The following STXBP6 variants were observed in gnomAD, a reference collection of about 807,000 sequenced individuals.
STXBP6 encodes syntaxin binding protein 6, also known as syntaxin-binding protein 6.
STXBP6 carries 21 observed loss-of-function variants against 26.9 expected under a neutral mutation model. The ratio of observed to expected loss-of-function variants is 0.78; its 90% CI spans 0.55 to 1.12. The LOEUF (loss-of-function observed/expected upper bound fraction) is 1.12, where lower values mean the gene tolerates loss of function less well. Among genes scored for constraint, STXBP6 ranks in the 50% most tolerant of loss-of-function variants. The pLI, the probability that STXBP6 is intolerant of heterozygous loss-of-function variation, is 0.00. For synonymous variants in STXBP6, 97 were observed against 92.6 expected, an observed-to-expected ratio of 1.05 and a Z score of -0.27; for missense variants, 232 against 257.9, an observed-to-expected ratio of 0.90 and a Z score of 0.69.
chr14:24,826,920 C>T (rs1297872558), intron 4 of STXBP6, among the ~76,000 whole-genome samples: 1 of 152,158 alleles, frequency 6.6e-6, no homozygotes, highest in Non-Finnish European at 1.5e-5. Context: ...CCTATTTTGG[C>T]CAGGTGTGGT....
intron 2 of STXBP6, among the ~76,000 whole-genome samples, chr14:24,863,121 A>C (rs1486678603): frequency 6.6e-6 from 1 of 152,124 alleles, no homozygotes; most frequent in Non-Finnish European, 1.5e-5. Context: ...AGTAAATGAC[A>C]GGTAGTCCTG....
At chr14:24,832,136 C>T (rs1194347231) in intron 4 of STXBP6, among the ~76,000 whole-genome samples, 3 of 152,118 alleles carry the variant, frequency 2.0e-5, no homozygotes, top group Non-Finnish European at 4.4e-5. Flanking sequence ...AGAACTTCGC[C>T]CCATTGAGCA....
chr14:24,878,872 C>T (rs1348072304), intron 2 of STXBP6: 1 of 424,910 alleles, frequency 2.4e-6, no homozygotes, highest in East Asian at 7.2e-5. Context: ...ATGCCTTTCC[C>T]TATTCTTACT....
chr14:24,880,171 A>G (rs559843542), intron 2 of STXBP6, among the ~76,000 whole-genome samples: 85 of 152,284 alleles, frequency 5.6e-4, no homozygotes, highest in African/African-American at 2.0e-3. Context: ...AAACATTTTA[A>G]AAAGTACTTA....
intron 2 of STXBP6, among the ~76,000 whole-genome samples, chr14:24,880,930 C>T (rs950346418): frequency 2.6e-5 from 4 of 152,198 alleles, no homozygotes; most frequent in African/African-American, 9.7e-5. Context: ...CATTCATCCA[C>T]TGCAACTGTG....
chr14:25,000,362 C>CTT (rs369019424), intron 1 of STXBP6, among the ~76,000 whole-genome samples: 6 of 142,994 alleles, frequency 4.2e-5, no homozygotes, highest in African/African-American at 7.7e-5. Context: ...CGTGCCTGGC[C>CTT]TTTTTTTTTT....
intron 1 of STXBP6, among the ~76,000 whole-genome samples, chr14:24,998,228 A>G (rs944036928): frequency 1.3e-5 from 2 of 152,198 alleles, no homozygotes; most frequent in Non-Finnish European, 2.9e-5. Context: ...GCATGTTATT[A>G]AAATGTGCAT....
intron 2 of STXBP6, among the ~76,000 whole-genome samples, chr14:24,891,078 A>G (rs2070769187): frequency 1.3e-5 from 2 of 152,132 alleles, no homozygotes; most frequent in South Asian, 4.1e-4. Flanking sequence ...CCTCTTGCTC[A>G]GTTATGTCCT....
At chr14:24,922,947 G>A in intron 2 of STXBP6, among the ~76,000 whole-genome samples, 1 of 151,868 alleles carries the variant, frequency 6.6e-6, no homozygotes, top group East Asian at 1.9e-4. Context: ...GGTTAAGAAG[G>A]ATTCCTTCCT....
At chr14:24,862,864 C>G (rs2069589195) in intron 2 of STXBP6, among the ~76,000 whole-genome samples, 1 of 152,144 alleles carries the variant, frequency 6.6e-6, no homozygotes, top group South Asian at 2.1e-4. Flanking sequence ...AATAATAGAG[C>G]AAGTGCCTGC....
chr14:25,048,080 G>A (rs1425570745), intron 1 of STXBP6, among the ~76,000 whole-genome samples: 1 of 152,106 alleles, frequency 6.6e-6, no homozygotes, highest in Admixed American at 6.5e-5. Flanking sequence ...AAAGAAAAAG[G>A]GTAAACAGAT....
In STXBP6 at chr14:24,986,461, C is replaced by T. The variant is rs935211789; in HGVS notation, c.-32-11611G>A. On this transcript the variant is annotated intron_variant, in intron 1 of 5. Transcript: ENST00000323944. ...CTGGGAAAAGTCACATGTCCATTCT[C>T]GGTTTGGGAATTAATGTGCTGGTGT... Among the ~76,000 whole-genome samples, 7 of 152,134 alleles carry T rather than the reference C, an allele frequency of 4.6e-5. No individual in the cohort carries two copies. The East Asian group carries it at 9.6e-4, about 21-fold the overall frequency.
At chr14:25,044,426 G>A (rs2075694184) in intron 1 of STXBP6, among the ~76,000 whole-genome samples, 1 of 151,930 alleles carries the variant, frequency 6.6e-6, no homozygotes, top group African/African-American at 2.4e-5. Context: ...GGTGTGAAGT[G>A]GCATCTCACT....
At chr14:24,903,190 G>A (rs2071273271) in intron 2 of STXBP6, among the ~76,000 whole-genome samples, 1 of 152,096 alleles carries the variant, frequency 6.6e-6, no homozygotes, top group South Asian at 2.1e-4. Context: ...ATTTGTTAGA[G>A]CTCGCATTTT....
intron 1 of STXBP6, among the ~76,000 whole-genome samples, chr14:25,026,064 T>A (rs1431609568): frequency 6.6e-6 from 1 of 152,184 alleles, no homozygotes; most frequent in Non-Finnish European, 1.5e-5. Flanking sequence ...GCTATGATTA[T>A]CCTGCCAAAC....
At chr14:24,862,792 A>G (rs975588097) in intron 2 of STXBP6, among the ~76,000 whole-genome samples, 1 of 152,176 alleles carries the variant, frequency 6.6e-6, no homozygotes, top group African/African-American at 2.4e-5. Flanking sequence ...AAAAAATTCT[A>G]TGGGAAGGCT....
chr14:24,830,176 G>C (rs1054855617), intron 4 of STXBP6, among the ~76,000 whole-genome samples: 1 of 152,054 alleles, frequency 6.6e-6, no homozygotes, highest in Non-Finnish European at 1.5e-5. Context: ...AGGCAGATTA[G>C]ATAGGGGCTT....
At chr14:24,932,882 T>G in intron 2 of STXBP6, among the ~76,000 whole-genome samples, 1 of 67,612 alleles carries the variant, frequency 1.5e-5, no homozygotes, top group East Asian at 4.2e-4. Flanking sequence ...AAAGAGGAAA[T>G]CAACAGGCTC....
At position 24,812,749 on chromosome 14, in the gene STXBP6, A is replaced by G; in HGVS notation, c.610-17T>C. ...CATGGCAAGCTAAGGAGAGAGAGGA[A>G]TGAGAAAAGTAAGACTTTATTAGCA... On this transcript the variant is annotated splice_polypyrimidine_tract_variant and intron_variant, in intron 5 of 5. Transcript: ENST00000323944. 2.5e-6 allele frequency: 4 copies of G among 1,613,538 alleles called. No homozygotes were observed. The highest frequency in any genetic ancestry group is 3.4e-6 in the Non-Finnish European group (4 of 1,179,542).
Sources: gnomAD v4.1 joint callset for allele counts (sites outside exome capture counted in the v4.1 genomes callset) on GRCh38, gnomAD v4.1.1 for gene constraint, MANE v1.5 for transcripts, NCBI Gene and HGNC (gene_info 2026-07-23, HGNC 2026-07-21) for gene names.